Variants in VIRMA observed in about 807,000 individuals in gnomAD.
VIRMA encodes vir like m6A methyltransferase associated.
In VIRMA, 65 loss-of-function variants were observed where a neutral mutation model predicts 182.4. The ratio of observed to expected loss-of-function variants is 0.36; its 90% CI spans 0.29 to 0.44. VIRMA has a LOEUF of 0.44. Among genes scored for constraint, VIRMA ranks in the 20% least tolerant of loss-of-function variants. The probability of loss-of-function intolerance (pLI) is 1.00; values close to 1 mark genes in which losing one functional copy is unlikely to be tolerated. For synonymous variants in VIRMA, 709 were observed against 743.1 expected, an observed-to-expected ratio of 0.95 and a Z score of 0.75; for missense variants, 1,752 against 2,158.1, an observed-to-expected ratio of 0.81 and a Z score of 3.73.
At chr8:94,492,862 A>G in intron 20 of VIRMA, 44 bp from the exon 21 acceptor site, 1 of 1,458,766 alleles carries the variant, frequency 6.9e-7, no homozygotes, top group Non-Finnish European at 9.5e-7. Flanking sequence ...AAATGTAATT[A>G]TTAGCATAAC....
At chr8:94,534,197 G>C (rs1815261310) in intron 5 of VIRMA, 1 of 151,888 alleles carries the variant, frequency 6.6e-6, no homozygotes. Context: ...CATTAGTTAA[G>C]ATGTAGATAC....
At position 94,519,176 on chromosome 8, in the gene VIRMA, C is replaced by G; in HGVS notation, c.2322G>C (p.Leu774=). ...CTGTACAACGCTGAAAATGGCTGAA[C>G]AGTTCTGTAATACATTGCAATGTCT... ...STQTLQCITE[L]FSHFQRCTAS... The change falls in exon 9 of 24, where the codon CTG becomes CTC. Residue 774 remains leucine (L), a synonymous_variant. Coordinates refer to ENST00000297591, the MANE Select transcript of VIRMA (RefSeq NM_015496.5). 3 of 1,614,120 alleles carry G rather than the reference C, an allele frequency of 1.9e-6. No individual in the cohort carries two copies. Among genetic ancestry groups the G allele is most frequent in the South Asian group, 2.2e-5 (2 of 91,078 alleles).
At chr8:94,503,720 G>C (rs1814066542) in intron 16 of VIRMA, among the ~76,000 whole-genome samples, 1 of 152,078 alleles carries the variant, frequency 6.6e-6, no homozygotes, top group South Asian at 2.1e-4. Flanking sequence ...AGTGTAAGGT[G>C]GGTGAAGGGC....
Position 94,527,086 on chromosome 8 carries a change from T to A in VIRMA, c.1158A>T (p.Thr386=), listed in dbSNP as rs776317236. The A allele has an allele frequency of 1.7e-5, 28 of 1,614,118 alleles. 1 individual carries two copies. Among genetic ancestry groups the A allele is most frequent in the Middle Eastern group, 3.3e-4 (2 of 6,084 alleles). Residue 386 remains threonine, a synonymous_variant, in exon 8 of 24, where the codon ACA becomes ACT. Coordinates refer to ENST00000297591, the MANE Select transcript of VIRMA (RefSeq NM_015496.5). ...CTTCTCTATACAAATCTAAGAGTTC[T>A]GTTAACTTCACTGAGGCTTCGATTG... The part of the protein sequence containing the change: ...SGAIEASVKL[T]ELLDLYREDR...
intron 7 of VIRMA, among the ~76,000 whole-genome samples, chr8:94,528,621 T>C (rs1179544922): frequency 1.3e-5 from 2 of 152,212 alleles, no homozygotes; most frequent in Non-Finnish European, 2.9e-5. Flanking sequence ...AATTGAGATT[T>C]TTCCCTTGAA....
Position 94,495,867 on chromosome 8 carries a change from G to T in VIRMA, c.4408C>A (p.Leu1470Met). 1 of 1,612,956 alleles carries T rather than the reference G, an allele frequency of 6.2e-7. No homozygotes were observed. The highest frequency in any genetic ancestry group is 1.1e-5 in the South Asian group (1 of 90,734). Residue 1470 changes from leucine to methionine, a missense_variant, in exon 19 of 24, where the codon CTG becomes ATG. Coordinates refer to ENST00000297591, the MANE Select transcript of VIRMA (RefSeq NM_015496.5). ...ACTACACTGTCCAACAAAGAATCCA[G>T]ATTGTCATCATCTTTTGAATGTTCC... ...VLEHSKDDDN[L>M]DSLLDSVVGL... is the part of the protein sequence containing the mutation.
chr8:94,519,234 T>A lies in VIRMA; in HGVS notation c.2264A>T (p.Asp755Val). The A allele has an allele frequency of 4.3e-6, 7 of 1,614,186 alleles. No individual in the cohort carries two copies. Among genetic ancestry groups the A allele is most frequent in the Non-Finnish European group, 5.9e-6 (7 of 1,180,036 alleles). The change falls in exon 9 of 24, where the codon GAT (aspartate) becomes GTT (valine). Residue 755 changes from aspartate (D) to valine (V), a missense_variant. Coordinates refer to ENST00000297591, the MANE Select transcript of VIRMA (RefSeq NM_015496.5). Reference protein sequence around the residue: ...EGLQSDGVIDDAFALWLQDST... With the variant: ...EGLQSDGVIDVAFALWLQDST... ...GTCCTGTAGCCACAAGGCAAATGCATCATCAATAACACCATCAGATTGGAG... is the reference window on the plus strand; with the variant it reads ...GTCCTGTAGCCACAAGGCAAATGCAACATCAATAACACCATCAGATTGGAG...
chr8:94,538,083 T>C (rs894274631), intron 3 of VIRMA, among the ~76,000 whole-genome samples, 177 bp downstream of exon 3: 7 of 152,256 alleles, frequency 4.6e-5, no homozygotes, highest in African/African-American at 1.7e-4. Flanking sequence ...TTTTATTTTA[T>C]AAATTTAGCA....
rs373343879 is a variant in VIRMA, at chr8:94,523,575, A to AT, written c.2021+2647dup. Among the ~76,000 whole-genome samples the AT allele has an allele frequency of 6.5e-3, 964 of 147,938 alleles. 4 individuals carry two copies. Among genetic ancestry groups the AT allele is most frequent in the Non-Finnish European group, 8.2e-3 (544 of 66,716 alleles). On this transcript the variant is annotated intron_variant, in intron 8 of 23. Coordinates refer to ENST00000297591, the MANE Select transcript of VIRMA (RefSeq NM_015496.5). ...CAGGCGCACACTACCATTCCCAGCT[A>AT]TTTTTTTTTTGATTTTTTATTTTCT...
intron 2 of VIRMA, among the ~76,000 whole-genome samples, chr8:94,541,020 T>C (rs1815531352): frequency 6.6e-6 from 1 of 151,846 alleles, no homozygotes; most frequent in African/African-American, 2.4e-5. Flanking sequence ...TAAGCACACA[T>C]ATATATGTAT....
intron 1 of VIRMA, chr8:94,547,130 C>T (rs752297528): frequency 4.9e-6 from 2 of 407,240 alleles, no homozygotes; most frequent in African/African-American, 4.3e-5. Context: ...CCTCTTATCT[C>T]TCCCATTAGA....
chr8:94,515,883 A>C (rs1295551503), intron 10 of VIRMA, among the ~76,000 whole-genome samples: 1 of 151,734 alleles, frequency 6.6e-6, no homozygotes, highest in Non-Finnish European at 1.5e-5. Flanking sequence ...GGATCACGAG[A>C]TCGACAGATG....
At chr8:94,509,654 G>A in intron 15 of VIRMA, 34 bp downstream of exon 15, 1 of 1,579,044 alleles carries the variant, frequency 6.3e-7, no homozygotes, top group African/African-American at 1.4e-5. Context: ...ACATACACAT[G>A]CAGAGAGAGA....
intron 1 of VIRMA, among the ~76,000 whole-genome samples, chr8:94,544,550 A>C (rs1173000699): frequency 6.6e-6 from 1 of 150,386 alleles, no homozygotes; most frequent in African/African-American, 2.4e-5. Context: ...AGTCCCAGCT[A>C]CTTGGGAGGT....
intron 16 of VIRMA, among the ~76,000 whole-genome samples, chr8:94,505,481 C>CTT (rs140484297): frequency 1.3e-5 from 2 of 150,438 alleles, no homozygotes; most frequent in Non-Finnish European, 3.0e-5. Context: ...ATTTCTTTTT[C>CTT]TTTTTTTTTG....
chr8:94,527,204 G>T lies in VIRMA; in HGVS notation c.1040C>A (p.Pro347Gln). The change falls in exon 8 of 24, where the codon CCA (proline) becomes CAA (glutamine). Residue 347 changes from proline (P) to glutamine (Q), a missense_variant. Physicochemically the swap from Pro to Gln is moderately conservative, Grantham distance 76. Coordinates refer to ENST00000297591, the MANE Select transcript of VIRMA (RefSeq NM_015496.5). ...GTATGGACAACTGAAGTATAAGAGT[G>T]GTACAAGCTCCCTGTCATATGGATC... ...TYDPYDRELV[P>Q]LLYFSCPYKT... 2.5e-6 allele frequency: 4 copies of T among 1,614,008 alleles called. No homozygotes were observed. The highest frequency in any genetic ancestry group is 3.4e-6 in the Non-Finnish European group (4 of 1,179,952).
Position 94,500,557 on chromosome 8 carries a change from C to A in VIRMA, c.4098-1051G>T, listed in dbSNP as rs544597257. Among the ~76,000 whole-genome samples the A allele has an allele frequency of 7.9e-5, 12 of 152,098 alleles. No homozygotes were observed. The South Asian group carries it at 1.9e-3, about 24-fold the overall frequency. On this transcript the variant is annotated intron_variant, in intron 16 of 23. Coordinates refer to ENST00000297591, the MANE Select transcript of VIRMA (RefSeq NM_015496.5). ...GCCTAACATTTAAAAACTTGCAATA[C>A]CAAGTTCTGGGGAGGATGAGGAGCA...
chr8:94,504,900 C>T (rs1333999066), intron 16 of VIRMA, among the ~76,000 whole-genome samples: 2 of 152,156 alleles, frequency 1.3e-5, no homozygotes, highest in East Asian at 3.9e-4. Flanking sequence ...GACAAGGTTA[C>T]AGATAAGAAA....
At chr8:94,496,520 A>T in intron 17 of VIRMA, 40 bp from the exon 18 acceptor site, 1 of 1,559,790 alleles carries the variant, frequency 6.4e-7, no homozygotes, top group Non-Finnish European at 8.8e-7. Flanking sequence ...AGAACAGAGA[A>T]ATTTACAAAG....
Sources: allele counts gnomAD v4.1 joint callset (sites outside exome capture counted in the v4.1 genomes callset), GRCh38; gene constraint gnomAD v4.1.1; transcripts MANE v1.5; gene names NCBI Gene and HGNC (gene_info 2026-07-23, HGNC 2026-07-21).